The following FAM193A variants were observed in gnomAD, a reference collection of about 807,000 sequenced individuals.
The protein encoded by FAM193A is family with sequence similarity 193 member A.
FAM193A carries 22 observed loss-of-function variants against 126.5 expected under a neutral mutation model. That is an observed-to-expected ratio of 0.17 (90% CI 0.12 to 0.25). The LOEUF is 0.25. Ranked by LOEUF, FAM193A falls within the 10% of genes least tolerant of loss-of-function variation. The probability of loss-of-function intolerance (pLI) is 1.00; values close to 1 mark genes in which losing one functional copy is unlikely to be tolerated. For missense variants in FAM193A, 1,675 were observed against 1,672.8 expected (o/e 1.00, Z -0.02); for synonymous variants, 761 against 646.8 (o/e 1.18, Z -2.68).
intron 1 of FAM193A, among the ~76,000 whole-genome samples, chr4:2,545,757 T>C (rs1442832650): frequency 6.6e-6 from 1 of 152,178 alleles, no homozygotes; most frequent in Non-Finnish European, 1.5e-5. Context: ...CAATGGCTCA[T>C]TGTAGCCTCA....
chr4:2,614,090 T>C (rs1259837817), intron 2 of FAM193A, among the ~76,000 whole-genome samples: 1 of 152,226 alleles, frequency 6.6e-6, no homozygotes, highest in African/African-American at 2.4e-5. Flanking sequence ...AAATTTTCTA[T>C]GTAGATGATC....
At chr4:2,554,300 G>T (rs766928347) in intron 1 of FAM193A, among the ~76,000 whole-genome samples, 12 of 151,996 alleles carry the variant, frequency 7.9e-5, no homozygotes, top group Non-Finnish European at 1.3e-4. Context: ...GGCCAGGCTG[G>T]TCTTGAACTC....
intron 19 of FAM193A, among the ~76,000 whole-genome samples, chr4:2,711,095 A>G (rs542666145): frequency 1.0e-4 from 15 of 144,710 alleles, no homozygotes; most frequent in South Asian, 8.9e-4. Flanking sequence ...CTTGTGATCC[A>G]CCCACCTTGG....
At chr4:2,662,806 G>C in intron 10 of FAM193A, 32 bp from the exon 11 acceptor site, 2 of 1,573,364 alleles carry the variant, frequency 1.3e-6, no homozygotes, top group Non-Finnish European at 1.7e-6. Flanking sequence ...ACAATTGAAT[G>C]ACCTCACAGT....
intron 12 of FAM193A, among the ~76,000 whole-genome samples, chr4:2,664,488 G>T (rs1183022656): frequency 2.0e-5 from 3 of 150,236 alleles, no homozygotes; most frequent in African/African-American, 7.3e-5. Context: ...TTGCTTTATG[G>T]TAAGTTTAGG....
chr4:2,712,211 C>T (rs1479873569), intron 19 of FAM193A, among the ~76,000 whole-genome samples: 4 of 151,874 alleles, frequency 2.6e-5, no homozygotes, highest in South Asian at 4.2e-4. Context: ...TATATATGTA[C>T]GTATGTATTT....
intron 5 of FAM193A, among the ~76,000 whole-genome samples, chr4:2,631,540 GA>G (rs1268556604): frequency 6.6e-6 from 1 of 152,192 alleles, no homozygotes; most frequent in Non-Finnish European, 1.5e-5. Flanking sequence ...CGTTGCTGTA[GA>G]CAGAGCTGGT....
chr4:2,668,790 C>G (rs762498048), intron 12 of FAM193A, among the ~76,000 whole-genome samples: 4 of 151,772 alleles, frequency 2.6e-5, no homozygotes, highest in East Asian at 1.9e-4. Flanking sequence ...CTTTTCCTCT[C>G]TCTCTCTTTC....
intron 19 of FAM193A, among the ~76,000 whole-genome samples, chr4:2,705,989 C>T (rs1718255980): frequency 6.6e-6 from 1 of 152,014 alleles, no homozygotes; most frequent in Non-Finnish European, 1.5e-5. Context: ...GAGGATCATT[C>T]GAGCCCAGGA....
At chr4:2,708,142 C>T (rs1370569175) in intron 19 of FAM193A, 3 of 448,054 alleles carry the variant, frequency 6.7e-6, no homozygotes, top group African/African-American at 2.0e-5. Flanking sequence ...TTGTTTATTT[C>T]GAGATGGAGT....
At chr4:2,618,243 G>A (rs1742325112) in intron 2 of FAM193A, among the ~76,000 whole-genome samples, 1 of 152,090 alleles carries the variant, frequency 6.6e-6, no homozygotes, top group African/African-American at 2.4e-5. Flanking sequence ...TGTGCTTTGG[G>A]TTAATTGAGC....
At chr4:2,709,037 G>A (rs1718631174) in intron 19 of FAM193A, among the ~76,000 whole-genome samples, 1 of 151,944 alleles carries the variant, frequency 6.6e-6, no homozygotes, top group Non-Finnish European at 1.5e-5. Context: ...TTTAAAATTA[G>A]CCACATTAAA....
chr4:2,664,627 C>T (rs1234541346), intron 12 of FAM193A, among the ~76,000 whole-genome samples: 13 of 123,814 alleles, frequency 1.0e-4, no homozygotes, highest in Admixed American at 5.1e-4. Context: ...AGTGCAGTGG[C>T]GCGATCTCGC....
At chr4:2,709,645 G>A (rs556298092) in intron 19 of FAM193A, among the ~76,000 whole-genome samples, 1 of 152,134 alleles carries the variant, frequency 6.6e-6, no homozygotes, top group Non-Finnish European at 1.5e-5. Context: ...GGAGGTGGAG[G>A]TTGCAGTGAG....
intron 13 of FAM193A, among the ~76,000 whole-genome samples, chr4:2,676,045 G>A (rs780217065): frequency 4.6e-5 from 7 of 152,178 alleles, no homozygotes; most frequent in African/African-American, 9.7e-5. Flanking sequence ...AACACGTGTT[G>A]TTTCCATACA....
At chr4:2,603,848 T>C (rs1325094778) in intron 2 of FAM193A, among the ~76,000 whole-genome samples, 1 of 151,728 alleles carries the variant, frequency 6.6e-6, no homozygotes, top group African/African-American at 2.4e-5. Flanking sequence ...TGAATTATTA[T>C]TATTATTATT....
intron 7 of FAM193A, chr4:2,654,286 C>T (rs1745952918): frequency 6.6e-6 from 1 of 151,838 alleles, no homozygotes. Flanking sequence ...CATCTCAGCT[C>T]ACTGCAACCT....
chr4:2,686,444 TAA>T (rs779802613), intron 13 of FAM193A, among the ~76,000 whole-genome samples: 9 of 152,166 alleles, frequency 5.9e-5, no homozygotes, highest in Non-Finnish European at 1.2e-4. Flanking sequence ...GTTCACAGTC[TAA>T]AGAGAAGACA....
At chr4:2,660,584 A>T (rs1409484610) in intron 10 of FAM193A, among the ~76,000 whole-genome samples, 1 of 152,258 alleles carries the variant, frequency 6.6e-6, no homozygotes, top group Non-Finnish European at 1.5e-5. Flanking sequence ...GAGGCTTCAC[A>T]TGCTAATTTC....
Sources: allele counts gnomAD v4.1 joint callset (sites outside exome capture counted in the v4.1 genomes callset), GRCh38; gene constraint gnomAD v4.1.1; transcripts MANE v1.5; gene names NCBI Gene and HGNC (gene_info 2026-07-23, HGNC 2026-07-21).